The following SLTM variants were observed in gnomAD, a reference collection of about 807,000 sequenced individuals.
The protein encoded by SLTM is SAFB like transcription modulator.
A neutral mutation model predicts 134.6 loss-of-function variants in SLTM; 43 were observed. The ratio of observed to expected loss-of-function variants is 0.32; its 90% CI spans 0.25 to 0.41. The LOEUF (loss-of-function observed/expected upper bound fraction) is 0.41. SLTM is among the 10% of genes least tolerant of loss of function. The pLI, the probability that SLTM is intolerant of heterozygous loss-of-function variation, is 1.00. For missense variants in SLTM, 1,055 were observed against 1,288.8 expected (o/e 0.82, Z 2.78); for synonymous variants, 424 against 432.3 (o/e 0.98, Z 0.24).
At chr15:58,921,970 T>G (rs1371483043) in intron 2 of SLTM, among the ~76,000 whole-genome samples, 1 of 152,104 alleles carries the variant, frequency 6.6e-6, no homozygotes, top group Non-Finnish European at 1.5e-5. Flanking sequence ...AGACAGGGTT[T>G]CAGCATGTTG....
intron 19 of SLTM, among the ~76,000 whole-genome samples, chr15:58,885,496 T>C (rs2034105586): frequency 6.6e-6 from 1 of 152,178 alleles, no homozygotes; most frequent in African/African-American, 2.4e-5. Context: ...GACTCAGTCT[T>C]AAAAATTCTT....
intron 19 of SLTM, 72 bp downstream of exon 19, chr15:58,886,903 A>G: frequency 1.9e-6 from 3 of 1,552,400 alleles, no homozygotes; most frequent in Non-Finnish European, 2.7e-6. Flanking sequence ...ATGCTACTGT[A>G]TATCCAGAGT....
In SLTM at chr15:58,888,519, C is replaced by A. The variant is rs758708459; in HGVS notation, c.2241G>T (p.Leu747Phe). ...DDPYWSENKK[L>F]SLDTDARFGH... ...CAAATCGTGCATCTGTATCTAGAGA[C>A]AACTTTTTATTCTCGCTCCAGTAAG... is the stretch of plus-strand genomic sequence containing the variant. The change falls in exon 17 of 21, where the codon TTG becomes TTT. Residue 747 changes from leucine to phenylalanine, a missense_variant. Physicochemically the swap from Leu to Phe is conservative, Grantham distance 22. This residue lies in a region of SLTM where 776 missense variants were observed against 962.2 expected (regional missense o/e 0.81). Transcript: ENST00000380516. 1.2e-6 allele frequency: 2 copies of A among 1,613,882 alleles called. No homozygotes were observed. The highest frequency in any genetic ancestry group is 1.7e-6 in the Non-Finnish European group (2 of 1,179,982).
At chr15:58,906,746 A>T (rs1432341012) in intron 5 of SLTM, among the ~76,000 whole-genome samples, 1 of 152,218 alleles carries the variant, frequency 6.6e-6, no homozygotes, top group African/African-American at 2.4e-5. Flanking sequence ...TTGGCACATA[A>T]GTACTCAAAA....
At chr15:58,886,894 TGCTACTGTATATCCAGAGTA>T in intron 19 of SLTM, 61 bp downstream of exon 19, 1 of 1,514,594 alleles carries the variant, frequency 6.6e-7, no homozygotes, top group Non-Finnish European at 9.1e-7. Context: ...CACATCAAAA[TGCTACTGTATATCCAGAGTA>T]GCTCATGAAT....
In SLTM at chr15:58,898,520, A is replaced by G. The variant is rs140130681; in HGVS notation, c.1108+283T>C. 1.3e-3 allele frequency: 331 copies of G among 246,998 alleles called. 1 individual carries two copies. The highest frequency in any genetic ancestry group is 7.0e-3 in the African/African-American group (302 of 43,410). 15.3% of individuals were successfully genotyped at this position (246,998 alleles called of 1,614,324 possible). Reference sequence around the variant, plus strand: ...GAAATTATAATGTAAGAAAGTATCTATTAATATTCAACACAGTCCCTTAGA... The same window carrying G: ...GAAATTATAATGTAAGAAAGTATCTGTTAATATTCAACACAGTCCCTTAGA... On this transcript the variant is annotated intron_variant, in intron 8 of 20. Coordinates refer to ENST00000380516, the MANE Select transcript of SLTM (RefSeq NM_024755.4).
At chr15:58,894,063 A>C (rs770376543) in intron 11 of SLTM, 27 bp downstream of exon 11, 6 of 1,586,134 alleles carry the variant, frequency 3.8e-6, no homozygotes, top group Non-Finnish European at 5.1e-6. Context: ...TGCTTATCAA[A>C]ATAAATAAAT....
intron 1 of SLTM, 76 bp downstream of exon 1, chr15:58,933,328 C>T: frequency 6.8e-7 from 1 of 1,460,614 alleles, no homozygotes; most frequent in Non-Finnish European, 9.1e-7. Context: ...CAGCCGGAGG[C>T]TGCGGCGGAA....
At chr15:58,901,354 A>G (rs1327959061) in intron 5 of SLTM, 67 bp from the exon 6 acceptor site, 1 of 1,326,036 alleles carries the variant, frequency 7.5e-7, no homozygotes, top group African/African-American at 1.5e-5. Context: ...TAATAGTACA[A>G]AATCAGCCAA....
At chr15:58,905,305 T>A (rs542266088) in intron 5 of SLTM, among the ~76,000 whole-genome samples, 1 of 152,340 alleles carries the variant, frequency 6.6e-6, no homozygotes, top group East Asian at 1.9e-4. Context: ...TATGGATAAA[T>A]CTTTTTCTTT....
At position 58,912,555 on chromosome 15, in the gene SLTM, A is replaced by T. The variant is rs377069769; in HGVS notation, c.561+8T>A. On this transcript the variant is annotated splice_region_variant and intron_variant, in intron 5 of 20. Coordinates refer to ENST00000380516, the MANE Select transcript of SLTM (RefSeq NM_024755.4). ...ATATCGAATTCATAGGACTAAATGT[A>T]AACTTACTTGGGCTGTTAGAAAGGT... 1 of 1,612,132 alleles carries T rather than the reference A, an allele frequency of 6.2e-7. No individual in the cohort carries two copies. Among genetic ancestry groups the T allele is most frequent in the Non-Finnish European group, 8.5e-7 (1 of 1,178,508 alleles).
chr15:58,903,034 T>C (rs928867761), intron 5 of SLTM, among the ~76,000 whole-genome samples: 2 of 152,208 alleles, frequency 1.3e-5, no homozygotes, highest in African/African-American at 2.4e-5. Context: ...CCCAAGTAGC[T>C]GGGACTACAG....
chr15:58,929,987 G>A (rs2037751758), intron 2 of SLTM, among the ~76,000 whole-genome samples: 2 of 152,112 alleles, frequency 1.3e-5, no homozygotes, highest in African/African-American at 4.8e-5. Context: ...TTTGGAGTTG[G>A]AGATTTACAT....
intron 5 of SLTM, among the ~76,000 whole-genome samples, chr15:58,902,128 CA>C (rs1225511671): frequency 1.3e-5 from 2 of 152,096 alleles, no homozygotes; most frequent in Non-Finnish European, 2.9e-5. Context: ...GCAAATAATG[CA>C]AACATCACTG....
At chr15:58,903,286 C>T (rs532788279) in intron 5 of SLTM, among the ~76,000 whole-genome samples, 4 of 152,300 alleles carry the variant, frequency 2.6e-5, no homozygotes, top group South Asian at 2.1e-4. Flanking sequence ...CCACCCACCT[C>T]GGCCTCCCAA....
chr15:58,900,940 G>C (rs2035444973), intron 6 of SLTM: 1 of 263,600 alleles, frequency 3.8e-6, no homozygotes, highest in Admixed American at 5.3e-5. Context: ...AGTTACTGCA[G>C]TGTCAGTCTT....
At chr15:58,923,824 TTG>T (rs1491385041) in intron 2 of SLTM, among the ~76,000 whole-genome samples, 2 of 145,306 alleles carry the variant, frequency 1.4e-5, no homozygotes, top group East Asian at 2.0e-4. Flanking sequence ...TTTTTTTTTT[TTG>T]GAGACACTGT....
chr15:58,930,377 G>A (rs1595960282), intron 2 of SLTM, among the ~76,000 whole-genome samples: 1 of 147,486 alleles, frequency 6.8e-6, no homozygotes, highest in African/African-American at 2.5e-5. Context: ...TGATCCACCC[G>A]CCTCAGCCTC....
Position 58,913,492 on chromosome 15 carries a change from TA to T in SLTM, c.513+6del, listed in dbSNP as rs760669226. ...GTGTCATGTTTTAAAAAAAACTGGC[TA>T]AAGACCTGACTTTCGATGTCCTCTT... is the stretch of plus-strand genomic sequence containing the variant. On this transcript the variant is annotated splice_donor_region_variant and intron_variant, in intron 4 of 20. Coordinates refer to ENST00000380516, the MANE Select transcript of SLTM (RefSeq NM_024755.4). 1.9e-6 allele frequency: 3 copies of T among 1,599,080 alleles called. No individual in the cohort carries two copies. The highest frequency in any genetic ancestry group is 3.4e-5 in the Admixed American group (2 of 58,932).
Sources: gnomAD v4.1 joint callset for allele counts (sites outside exome capture counted in the v4.1 genomes callset) on GRCh38, gnomAD v4.1.1 for gene constraint, gnomAD v4.1.1 regional missense constraint, MANE v1.5 for transcripts, NCBI Gene and HGNC (gene_info 2026-07-23, HGNC 2026-07-21) for gene names.